ANK2: variants seen among roughly 807,000 people sequenced by gnomAD.
The protein encoded by ANK2 is ankyrin-2.
ANK2 carries 83 observed loss-of-function variants against 360.5 expected under a neutral mutation model. The observed-to-expected ratio is 0.23, with a 90% CI of 0.19 to 0.28. The LOEUF (loss-of-function observed/expected upper bound fraction) is 0.28, where lower values mean the gene tolerates loss of function less well. Among genes scored for constraint, ANK2 ranks in the 10% least tolerant of loss-of-function variants. The pLI, the probability that ANK2 is intolerant of heterozygous loss-of-function variation, is 1.00. For missense variants in ANK2, 4,201 were observed against 4,795.7 expected (o/e 0.88, Z 3.66); for synonymous variants, 1,740 against 1,759.5 (o/e 0.99, Z 0.28).
chr4:112,859,188 C>A (rs964380993), intron 1 of ANK2, among the ~76,000 whole-genome samples: 1 of 152,116 alleles, frequency 6.6e-6, no homozygotes, highest in African/African-American at 2.4e-5. Context: ...CCACAGCATC[C>A]CCCCTAATGA....
At chr4:112,756,649 C>A in the ANK2 span, among the ~76,000 whole-genome samples, 3 of 152,118 alleles carry the variant, frequency 2.0e-5, no homozygotes, top group Non-Finnish European at 4.4e-5. Context: ...TATGAACACT[C>A]GAGTAAGAGA....
chr4:112,809,242 T>A, the ANK2 span, among the ~76,000 whole-genome samples: 4 of 150,736 alleles, frequency 2.7e-5, no homozygotes, highest in East Asian at 8.0e-4. Flanking sequence ...CCTGGTAGTT[T>A]AAATTAAATG....
At chr4:112,712,974 G>C in the ANK2 span, among the ~76,000 whole-genome samples, 422 of 152,234 alleles carry the variant, frequency 2.8e-3, 1 homozygote, top group Middle Eastern at 0.041. Context: ...CTATCTCCCT[G>C]AAAATTTCCC....
intron 37 of ANK2, among the ~76,000 whole-genome samples, chr4:113,352,706 A>G (rs2095491365): frequency 1.3e-5 from 2 of 151,384 alleles, no homozygotes; most frequent in South Asian, 4.2e-4. Flanking sequence ...ACCTCTGTGT[A>G]ATTTCACTGC....
At chr4:112,967,961 A>G (rs967406036) in intron 2 of ANK2, among the ~76,000 whole-genome samples, 5 of 152,190 alleles carry the variant, frequency 3.3e-5, no homozygotes, top group Non-Finnish European at 5.9e-5. Flanking sequence ...CCATACAGAC[A>G]TCTTTTTTCC....
intron 1 of ANK2, among the ~76,000 whole-genome samples, chr4:113,163,819 T>TC (rs1441871639): frequency 6.7e-6 from 1 of 148,934 alleles, no homozygotes; most frequent in East Asian, 2.0e-4. Flanking sequence ...GGAGATATAT[T>TC]CCCATATCAT....
the ANK2 span, among the ~76,000 whole-genome samples, chr4:112,785,442 C>T: frequency 2.0e-5 from 3 of 147,644 alleles, no homozygotes; most frequent in South Asian, 4.4e-4. Context: ...AGCATGATCT[C>T]GGCTGACTGC....
intron 2 of ANK2, among the ~76,000 whole-genome samples, chr4:112,945,919 A>G (rs546834365): frequency 6.6e-6 from 1 of 152,308 alleles, no homozygotes; most frequent in African/African-American, 2.4e-5. Flanking sequence ...CCTTGCAACA[A>G]GACTGGCACA....
At chr4:113,041,854 T>C (rs772738086) in intron 2 of ANK2, among the ~76,000 whole-genome samples, 1 of 152,122 alleles carries the variant, frequency 6.6e-6, no homozygotes, top group East Asian at 1.9e-4. Flanking sequence ...GTCTTCTCAT[T>C]GTATCTTCAC....
chr4:113,245,479 C>T (rs2042357918), intron 9 of ANK2, among the ~76,000 whole-genome samples: 2 of 152,164 alleles, frequency 1.3e-5, no homozygotes, highest in African/African-American at 4.8e-5. Context: ...AACTTACAAT[C>T]ATGGCAGAAG....
chr4:113,359,132 A>G lies in ANK2; in HGVS notation c.10514A>G (p.Asp3505Gly). Residue 3505 changes from aspartate (D) to glycine (G), a missense_variant, in exon 38 of 46, where the codon GAT becomes GGT. Asp to Gly is a moderately conservative substitution (Grantham distance 94, BLOSUM62 -1). This residue lies in a region of ANK2 where 2,642 missense variants were observed against 2,714.5 expected (regional missense o/e 0.97). Transcript: ENST00000357077. Reference sequence around the variant, plus strand: ...AGGGAGCAGGAAATAGTTTCAGACGATGAAAGTAGTAGTGCCCTGGAAGTA... The same window carrying G: ...AGGGAGCAGGAAATAGTTTCAGACGGTGAAAGTAGTAGTGCCCTGGAAGTA... ...SEREQEIVSDDESSSALEVSV... is the reference protein window; with the variant it reads ...SEREQEIVSDGESSSALEVSV... 6.2e-7 allele frequency: 1 copy of G among 1,614,046 alleles called. No individual in the cohort carries two copies.
rs1235308496 is a variant in ANK2 at position 113,381,601 on chromosome 4, G to T, written c.*130G>T. The T allele has an allele frequency of 4.4e-6, 7 of 1,575,260 alleles. No homozygotes were observed. On this transcript the variant is annotated 3_prime_UTR_variant, in exon 46 of 46. Coordinates refer to ENST00000357077, the MANE Select transcript of ANK2 (RefSeq NM_001148.6). Reference sequence around the variant, plus strand: ...AGCGCGATCTCCAGCAGCTCCTTCGGCATTTCTGCAAGGAGGACTTGAAGC... The same window carrying T: ...AGCGCGATCTCCAGCAGCTCCTTCGTCATTTCTGCAAGGAGGACTTGAAGC...
rs552238806 is a variant in ANK2 at position 112,994,968 on chromosome 4, G to T, written c.21+90454G>T. ...TTTTTATGGCTGCATAGTATTCCAC[G>T]CTGTATATGTACCACATTTTCTTTA... is the stretch of plus-strand genomic sequence containing the variant. On this transcript the variant is annotated intron_variant, in intron 2 of 30. Coordinates refer to the ANK2 transcript ENST00000503271. Among the ~76,000 whole-genome samples the T allele has an allele frequency of 3.3e-5, 5 of 152,178 alleles. No homozygotes were observed. In the East Asian group the frequency reaches 5.8e-4, roughly 18 times the overall value.
intron 32 of ANK2, among the ~76,000 whole-genome samples, chr4:113,340,101 T>C (rs1017214006): frequency 2.6e-5 from 4 of 152,208 alleles, no homozygotes; most frequent in African/African-American, 9.6e-5. Flanking sequence ...GGCTCAACTA[T>C]TGAGTCCGCA....
upstream of ANK2, among the ~76,000 whole-genome samples, chr4:112,815,012 CTTT>C (rs66513268): frequency 0.036 from 5,268 of 145,434 alleles, 208 homozygotes; most frequent in African/African-American, 0.094. Flanking sequence ...CAAAAAGACA[CTTT>C]TTTTTTTTTT....
At chr4:112,854,127 A>G (rs1287910769) in intron 1 of ANK2, among the ~76,000 whole-genome samples, 1 of 152,186 alleles carries the variant, frequency 6.6e-6, no homozygotes, top group Non-Finnish European at 1.5e-5. Flanking sequence ...AGAAGTGGGC[A>G]CTTCTATAGA....
intron 7 of ANK2, among the ~76,000 whole-genome samples, chr4:113,238,668 A>G (rs1204905200): frequency 1.3e-5 from 2 of 152,218 alleles, no homozygotes; most frequent in African/African-American, 4.8e-5. Context: ...AACATTGTGA[A>G]AGCAGAAGTT....
At chr4:113,370,832 T>G (rs1461075500) in intron 43 of ANK2, among the ~76,000 whole-genome samples, 2 of 152,104 alleles carry the variant, frequency 1.3e-5, no homozygotes, top group Non-Finnish European at 1.5e-5. Flanking sequence ...ACGTCAGAAT[T>G]GATTGGAGAG....
At chr4:113,336,089 C>T (rs199792407) in intron 30 of ANK2, 32 bp downstream of exon 30, 2 of 1,602,844 alleles carry the variant, frequency 1.2e-6, no homozygotes, top group East Asian at 2.2e-5. Context: ...ATGATCCTAA[C>T]AGGATTGTAT....
Sources: allele counts gnomAD v4.1 joint callset (sites outside exome capture counted in the v4.1 genomes callset), GRCh38; gene constraint gnomAD v4.1.1; regional missense constraint gnomAD v4.1.1; transcripts MANE v1.5; gene names NCBI Gene and HGNC (gene_info 2026-07-23, HGNC 2026-07-21).